Variants in RSF1 observed in about 807,000 individuals in gnomAD.
RSF1 encodes remodeling and spacing factor 1.
In RSF1, 13 loss-of-function variants were observed where a neutral mutation model predicts 145.2. The ratio of observed to expected loss-of-function variants is 0.09; its 90% CI spans 0.06 to 0.14. The LOEUF (loss-of-function observed/expected upper bound fraction) is 0.14, where lower values mean the gene tolerates loss of function less well. RSF1 is among the 10% of genes least tolerant of loss of function. The probability of loss-of-function intolerance (pLI) is 1.00; values close to 1 mark genes in which losing one functional copy is unlikely to be tolerated. For synonymous variants in RSF1, 577 were observed against 592.6 expected (o/e 0.97, Z 0.38); for missense variants, 1,517 against 1,718.2 (o/e 0.88, Z 2.07).
chr11:77,763,430 T>A (rs532686897), intron 2 of RSF1: 1 of 152,248 alleles, frequency 6.6e-6, no homozygotes, highest in East Asian at 1.9e-4. Flanking sequence ...ATCAGTGATA[T>A]TTTAAAGTAC....
At chr11:77,751,882 T>C (rs1486843222) in intron 2 of RSF1, among the ~76,000 whole-genome samples, 1 of 152,214 alleles carries the variant, frequency 6.6e-6, no homozygotes, top group East Asian at 1.9e-4. Context: ...AGGCTTTATC[T>C]TTCACAAGAG....
chr11:77,691,317 T>C, intron 8 of RSF1, 79 bp from the exon 9 acceptor site: 3 of 1,233,214 alleles, frequency 2.4e-6, no homozygotes, highest in Non-Finnish European at 3.6e-6. Context: ...ACTTCATGGG[T>C]AGTGGGCTCT....
chr11:77,817,053 C>T (rs888614525), intron 1 of RSF1, among the ~76,000 whole-genome samples: 2 of 152,052 alleles, frequency 1.3e-5, no homozygotes, highest in African/African-American at 4.8e-5. Flanking sequence ...CACAATAGTC[C>T]CTTCTTTCTT....
In RSF1 at chr11:77,701,487, A is replaced by G. The variant is rs755960419; in HGVS notation, c.1742T>C (p.Ile581Thr). 4 of 1,613,882 alleles carry G rather than the reference A, an allele frequency of 2.5e-6. No homozygotes were observed. In the South Asian group the frequency reaches 3.3e-5, roughly 13 times the overall value. ...PKTKKDKRPP[I>T]LECLEKLEKS... ...CTCTAACTTTTCAAGACATTCTAGG[A>G]TTGGTGGGCGCTTATCCTTCTTAGT... The change falls in exon 6 of 16, where the codon ATC (isoleucine) becomes ACC (threonine). Residue 581 changes from isoleucine to threonine, a missense_variant. Physicochemically the swap from Ile to Thr is moderately conservative, Grantham distance 89. Around this residue, in one of 12 missense-constraint regions of RSF1, gnomAD observed 579 missense variants for 553.5 expected, o/e 1.05. Coordinates refer to ENST00000308488, the MANE Select transcript of RSF1 (RefSeq NM_016578.4).
intron 1 of RSF1, among the ~76,000 whole-genome samples, chr11:77,797,550 A>G (rs1411033567): frequency 6.6e-6 from 1 of 152,238 alleles, no homozygotes; most frequent in East Asian, 1.9e-4. Context: ...ACCTAGGACC[A>G]TAAAAATCCT....
At position 77,737,472 on chromosome 11, in the gene RSF1, A is replaced by AAAC. The variant is rs371133283; in HGVS notation, c.578+3256_578+3258dup. ...CCTGTCTCAAAAAAAAAAAACCAAA[A>AAAC]AACAACAACAACAACAACAAAAAAA... On this transcript the variant is annotated intron_variant, in intron 4 of 15. Coordinates refer to ENST00000308488, the MANE Select transcript of RSF1 (RefSeq NM_016578.4). 2.6e-4 allele frequency among the ~76,000 whole-genome samples: 29 copies of AAAC among 110,394 alleles called. 1 individual carries two copies. The highest frequency in any genetic ancestry group is 3.6e-4 in the African/African-American group (8 of 22,300). The allele number at this position is 110,394 out of a possible 152,430, so 72.4% of individuals were successfully genotyped here.
chr11:77,724,819 G>A (rs1961015689), intron 5 of RSF1, among the ~76,000 whole-genome samples: 1 of 152,150 alleles, frequency 6.6e-6, no homozygotes, highest in African/African-American at 2.4e-5. Context: ...AGCTTGGGCG[G>A]TAATGCTCAC....
At chr11:77,678,027 G>T in intron 12 of RSF1, 59 bp downstream of exon 12, 1 of 1,218,718 alleles carries the variant, frequency 8.2e-7, no homozygotes, top group Non-Finnish European at 1.2e-6. Context: ...CCTAATTTGG[G>T]CACCTGAATG....
chr11:77,853,994 T>TG, the RSF1 span, among the ~76,000 whole-genome samples: 2 of 4,646 alleles, frequency 4.3e-4, no homozygotes, highest in Non-Finnish European at 2.9e-3. Context: ...CTCCAAATTC[T>TG]TTTTTTTTTT....
At chr11:77,721,694 A>G (rs1176408756) in intron 5 of RSF1, among the ~76,000 whole-genome samples, 1 of 152,234 alleles carries the variant, frequency 6.6e-6, no homozygotes, top group African/African-American at 2.4e-5. Flanking sequence ...TAAATGGTTT[A>G]TGTGTTACTG....
At chr11:77,741,871 T>C (rs1947942961) in intron 3 of RSF1, among the ~76,000 whole-genome samples, 1 of 152,216 alleles carries the variant, frequency 6.6e-6, no homozygotes, top group African/African-American at 2.4e-5. Flanking sequence ...TAATCCCTGG[T>C]AATCACCAAT....
At chr11:77,829,360 G>A in the RSF1 span, among the ~76,000 whole-genome samples, 1 of 152,166 alleles carries the variant, frequency 6.6e-6, no homozygotes, top group African/African-American at 2.4e-5. Flanking sequence ...TGTTGTTTAA[G>A]TTACCAATTT....
At chr11:77,829,702 C>A in the RSF1 span, 3 of 152,278 alleles carry the variant, frequency 2.0e-5, no homozygotes, top group Admixed American at 2.0e-4. Flanking sequence ...GCAATGGATT[C>A]TTAGAAATAA....
Position 77,698,598 on chromosome 11 carries a change from T to G in RSF1, c.2604A>C (p.Glu868Asp). 1 of 1,614,192 alleles carries G rather than the reference T, an allele frequency of 6.2e-7. No individual in the cohort carries two copies. The highest frequency in any genetic ancestry group is 1.3e-5 in the African/African-American group (1 of 75,058). Residue 868 changes from glutamate (E) to aspartate (D), a missense_variant, in exon 7 of 16, where the codon GAA becomes GAC. By Grantham distance (45) the Glu-to-Asp change is conservative (BLOSUM62 2). Around this residue, in one of 12 missense-constraint regions of RSF1, gnomAD observed 579 missense variants for 553.5 expected, o/e 1.05. Transcript: ENST00000308488. ...SNDESEGSGS[E>D]KSSAASEEEE... ...CCTCTTCTGAAGCTGCAGATGATTT[T>G]TCACTGCCAGACCCTTCACTTTCAT...
intron 1 of RSF1, among the ~76,000 whole-genome samples, chr11:77,805,543 T>C (rs1396382224): frequency 6.6e-6 from 1 of 152,168 alleles, no homozygotes; most frequent in Non-Finnish European, 1.5e-5. Flanking sequence ...GATAGTTAAT[T>C]AAAGTTAATT....
the RSF1 span, chr11:77,869,306 C>CTCTCTTTTTTTTTTTTTTTTTTTT: frequency 8.3e-6 from 1 of 120,372 alleles, no homozygotes; most frequent in Non-Finnish European, 1.8e-5. Flanking sequence ...TTATTTATCT[C>CTCTCTTTTTTTTTTTTTTTTTTTT]TTTTTCTTTT....
chr11:77,798,473 T>C (rs1482030983), intron 1 of RSF1, among the ~76,000 whole-genome samples: 2 of 150,576 alleles, frequency 1.3e-5, no homozygotes, highest in Non-Finnish European at 3.0e-5. Context: ...CCCAGCTCCT[T>C]GGAAGGCTGA....
chr11:77,828,434 G>A, the RSF1 span, among the ~76,000 whole-genome samples: 2 of 152,216 alleles, frequency 1.3e-5, no homozygotes, highest in Non-Finnish European at 2.9e-5. Flanking sequence ...TTGGGAGGCC[G>A]AGGCAGATGG....
At chr11:77,760,685 A>G (rs907714929) in intron 2 of RSF1, among the ~76,000 whole-genome samples, 8 of 152,218 alleles carry the variant, frequency 5.3e-5, no homozygotes, top group Non-Finnish European at 1.2e-4. Flanking sequence ...TCAAAATACA[A>G]CCTAATTATC....
Sources: allele counts gnomAD v4.1 joint callset (sites outside exome capture counted in the v4.1 genomes callset), GRCh38; gene constraint gnomAD v4.1.1; regional missense constraint gnomAD v4.1.1; transcripts MANE v1.5; gene names NCBI Gene and HGNC (gene_info 2026-07-23, HGNC 2026-07-21).